The following PRSS23 variants were observed in gnomAD, a reference collection of about 807,000 sequenced individuals.
PRSS23 encodes the protein serine protease 23, also known as protease, serine 23.
Under a neutral mutation model 34.7 loss-of-function variants are expected in PRSS23, and 25 were observed. The ratio of observed to expected loss-of-function variants is 0.72; its 90% CI spans 0.53 to 1.01. The LOEUF is 1.01. Ranked by LOEUF, PRSS23 falls within the 50% of genes least tolerant of loss-of-function variation. PRSS23 has a pLI of 0.00. For missense variants in PRSS23, 445 were observed against 475.6 expected (o/e 0.94, Z 0.60); for synonymous variants, 176 against 186.6 (o/e 0.94, Z 0.46).
At chr11:86,842,910 G>A (rs190706323) in intron 2 of PRSS23, among the ~76,000 whole-genome samples, 1 of 152,196 alleles carries the variant, frequency 6.6e-6, no homozygotes, top group South Asian at 2.1e-4. Context: ...CACAGAATTG[G>A]AAAAAACTAC....
Position 86,800,666 on chromosome 11 carries a change from C to G in PRSS23, c.-14+15C>G. Reference sequence around the variant, plus strand: ...GCTCGGCGCGGGTGAGTGCGGGCACCGACTGGGGCATCCGCCCGGGCGCGG... The same window carrying G: ...GCTCGGCGCGGGTGAGTGCGGGCACGGACTGGGGCATCCGCCCGGGCGCGG... On this transcript the variant is annotated intron_variant, in intron 1 of 1. Transcript: ENST00000280258. The G allele has an allele frequency of 2.0e-6, 2 of 984,316 alleles. No homozygotes were observed. The highest frequency in any genetic ancestry group is 2.4e-6 in the Non-Finnish European group (2 of 829,062). 61.0% of individuals were successfully genotyped at this position (984,316 alleles called of 1,614,324 possible). A position where few individuals can be genotyped will look rare whatever the true frequency, so the allele number is the denominator to read the frequency against.
intron 2 of PRSS23, among the ~76,000 whole-genome samples, chr11:86,845,772 C>T (rs1948481926): frequency 6.6e-6 from 1 of 152,112 alleles, no homozygotes; most frequent in Non-Finnish European, 1.5e-5. Context: ...ATTTCTCTTC[C>T]CCCTACCCCA....
chr11:86,945,067 A>T (rs1949231568), intron 2 of PRSS23, among the ~76,000 whole-genome samples: 1 of 152,154 alleles, frequency 6.6e-6, no homozygotes, highest in African/African-American at 2.4e-5. Context: ...AGTAGCTTTG[A>T]ATTTGCTTTG....
intron 2 of PRSS23, among the ~76,000 whole-genome samples, chr11:86,891,660 A>G (rs1234855505): frequency 6.6e-6 from 1 of 152,154 alleles, no homozygotes; most frequent in Non-Finnish European, 1.5e-5. Flanking sequence ...TACGTCTGCT[A>G]TGGTTTTCCT....
chr11:86,853,639 G>A (rs1461074674), intron 2 of PRSS23, among the ~76,000 whole-genome samples: 2 of 152,092 alleles, frequency 1.3e-5, no homozygotes, highest in South Asian at 2.1e-4. Context: ...GTCCACGAAC[G>A]CTTGGGTTGC....
At chr11:86,862,053 A>C (rs1198736702) in intron 2 of PRSS23, among the ~76,000 whole-genome samples, 1 of 151,668 alleles carries the variant, frequency 6.6e-6, no homozygotes, top group Non-Finnish European at 1.5e-5. Context: ...TATTGTTTGT[A>C]ACATCTGGAA....
intron 2 of PRSS23, among the ~76,000 whole-genome samples, chr11:86,859,423 C>A (rs1032470017): frequency 1.3e-5 from 2 of 151,920 alleles, no homozygotes; most frequent in Non-Finnish European, 2.9e-5. Context: ...TTTCTACTAT[C>A]CAAAGGGGAA....
intron 2 of PRSS23, among the ~76,000 whole-genome samples, chr11:86,838,073 C>CTTT (rs34376720): frequency 6.9e-6 from 1 of 144,504 alleles, no homozygotes; most frequent in South Asian, 2.2e-4. Flanking sequence ...ACGGTACACT[C>CTTT]TTTTTTTTTT....
At chr11:86,897,722 T>C (rs1459026578) in intron 2 of PRSS23, among the ~76,000 whole-genome samples, 2 of 152,192 alleles carry the variant, frequency 1.3e-5, no homozygotes, top group African/African-American at 4.8e-5. Flanking sequence ...CCTCCTGCCC[T>C]GGGCTTTGGT....
chr11:86,948,808 T>G (rs1242051050), intron 2 of PRSS23: 1 of 152,678 alleles, frequency 6.5e-6, no homozygotes, highest in South Asian at 2.1e-4. Flanking sequence ...TGACACATTA[T>G]GAAGAAAACT....
At chr11:86,833,373 C>G (rs2134892398) in intron 2 of PRSS23, 1 of 749,826 alleles carries the variant, frequency 1.3e-6, no homozygotes. Context: ...ACAGGAACAG[C>G]CCAGCGAGGG....
At chr11:86,917,102 G>GCT (rs1565385380) in intron 2 of PRSS23, among the ~76,000 whole-genome samples, 1 of 152,080 alleles carries the variant, frequency 6.6e-6, no homozygotes, top group African/African-American at 2.4e-5. Context: ...GGCAGATCAC[G>GCT]TGAGGTCAGG....
chr11:86,856,404 T>A (rs917717967), intron 2 of PRSS23, among the ~76,000 whole-genome samples: 2 of 151,514 alleles, frequency 1.3e-5, no homozygotes, highest in Admixed American at 1.3e-4. Context: ...GGCCTCATCA[T>A]GTCTAAGCTC....
intron 2 of PRSS23, among the ~76,000 whole-genome samples, chr11:86,878,405 GGC>G (rs1411579449): frequency 6.6e-6 from 1 of 151,966 alleles, no homozygotes; most frequent in Non-Finnish European, 1.5e-5. Flanking sequence ...TGCGATTGCA[GGC>G]GCGCGCCGCC....
At chr11:86,826,895 C>T (rs1017822305) in intron 2 of PRSS23, among the ~76,000 whole-genome samples, 1 of 152,094 alleles carries the variant, frequency 6.6e-6, no homozygotes, top group African/African-American at 2.4e-5. Context: ...TTTGGTTTGC[C>T]AGTATTTTAT....
chr11:86,930,091 G>A (rs1396674735), intron 2 of PRSS23, among the ~76,000 whole-genome samples: 2 of 151,854 alleles, frequency 1.3e-5, no homozygotes, highest in Non-Finnish European at 2.9e-5. Flanking sequence ...GGTATAGTAT[G>A]TGTATATATG....
intron 2 of PRSS23, among the ~76,000 whole-genome samples, chr11:86,927,256 C>T (rs1174937917): frequency 6.6e-6 from 1 of 152,130 alleles, no homozygotes; most frequent in African/African-American, 2.4e-5. Flanking sequence ...GTTGTCATCT[C>T]CTGTTCACCA....
chr11:86,835,883 G>A (rs1313708030), intron 2 of PRSS23, among the ~76,000 whole-genome samples: 1 of 152,164 alleles, frequency 6.6e-6, no homozygotes, highest in Non-Finnish European at 1.5e-5. Flanking sequence ...ACGTACCGAA[G>A]GACAAGAGTG....
chr11:86,821,362 T>C (rs61906673), intron 1 of PRSS23: 35,622 of 914,866 alleles, frequency 0.039, 912 homozygotes, highest in Non-Finnish European at 0.052. Flanking sequence ...GTGATCCTAG[T>C]TTTGCTACGG....
Sources: gnomAD v4.1 joint callset for allele counts (sites outside exome capture counted in the v4.1 genomes callset) on GRCh38, gnomAD v4.1.1 for gene constraint, MANE v1.5 for transcripts, NCBI Gene and HGNC (gene_info 2026-07-23, HGNC 2026-07-21) for gene names.